Variants in CUL3 observed in about 807,000 individuals in gnomAD.
The protein encoded by CUL3 is cullin 3, also known as cullin-3.
In CUL3, 19 loss-of-function variants were observed where a neutral mutation model predicts 89.1. The observed-to-expected ratio is 0.21, with a 90% CI of 0.15 to 0.31. The LOEUF (loss-of-function observed/expected upper bound fraction) is 0.31, where lower values mean the gene tolerates loss of function less well. Among genes scored for constraint, CUL3 ranks in the 10% least tolerant of loss-of-function variants. The probability of loss-of-function intolerance (pLI) is 1.00; values close to 1 mark genes in which losing one functional copy is unlikely to be tolerated. For missense variants in CUL3, 469 were observed against 942.3 expected (o/e 0.50, Z 6.58); for synonymous variants, 351 against 308.4 (o/e 1.14, Z -1.45).
At chr2:224,541,218 T>C (rs62187018) in intron 2 of CUL3, among the ~76,000 whole-genome samples, 1 of 140,458 alleles carries the variant, frequency 7.1e-6, no homozygotes, top group Non-Finnish European at 1.5e-5. Context: ...CCAGAACATA[T>C]TAAAAAAAAA....
At chr2:224,535,390 A>T in intron 3 of CUL3, 138 bp downstream of exon 3, 1 of 518,036 alleles carries the variant, frequency 1.9e-6, no homozygotes, top group Non-Finnish European at 3.4e-6. Context: ...GGCTGGTCTC[A>T]ATGTCCTGAC....
intron 5 of CUL3, among the ~76,000 whole-genome samples, chr2:224,513,123 T>C (rs1051435025): frequency 3.3e-5 from 5 of 152,224 alleles, no homozygotes; most frequent in African/African-American, 7.2e-5. Context: ...GAGTACAATA[T>C]GCAATACATA....
At chr2:224,566,568 TTTC>T (rs1695045046) in intron 1 of CUL3, among the ~76,000 whole-genome samples, 1 of 152,202 alleles carries the variant, frequency 6.6e-6, no homozygotes, top group African/African-American at 2.4e-5. Context: ...CTCCAATGAT[TTTC>T]TTGATGGTGT....
chr2:224,508,109 ATT>A (rs34859247), intron 6 of CUL3, among the ~76,000 whole-genome samples: 2,567 of 146,552 alleles, frequency 0.018, 27 homozygotes, highest in Middle Eastern at 0.046. Context: ...AATACTCTTG[ATT>A]TTTTTTTTTT....
chr2:224,510,023 T>C (rs1045536039), intron 6 of CUL3, among the ~76,000 whole-genome samples: 5 of 152,190 alleles, frequency 3.3e-5, no homozygotes, highest in African/African-American at 1.2e-4. Context: ...ATAAAAATTA[T>C]ATGAAATTCA....
At position 224,585,123 on chromosome 2, in the gene CUL3, C is replaced by T; in HGVS notation, c.-114G>A. On this transcript the variant is annotated 5_prime_UTR_variant, in exon 1 of 16. Coordinates refer to ENST00000264414, the MANE Select transcript of CUL3 (RefSeq NM_003590.5). ...CGCTGGGGGCGGCGGCGGCGCGACC[C>T]CCGGGCAGGGCTGGGGAGCTGGCCG... 1.3e-6 allele frequency: 1 copy of T among 779,754 alleles called. No homozygotes were observed. Among genetic ancestry groups the T allele is most frequent in the Non-Finnish European group, 1.7e-6 (1 of 573,948 alleles). 48.3% of individuals were successfully genotyped at this position (779,754 alleles called of 1,614,324 possible). A position where few individuals can be genotyped will look rare whatever the true frequency, so the allele number is the denominator to read the frequency against.
At chr2:224,487,376 T>C (rs1691765543) in intron 13 of CUL3, among the ~76,000 whole-genome samples, 2 of 144,206 alleles carry the variant, frequency 1.4e-5, no homozygotes. Flanking sequence ...AGACCCATCT[T>C]ACATGCAAAG....
At chr2:224,580,690 G>GAA (rs1026968658) in intron 1 of CUL3, among the ~76,000 whole-genome samples, 1 of 145,010 alleles carries the variant, frequency 6.9e-6, no homozygotes, top group South Asian at 2.2e-4. Flanking sequence ...TCTCAAAAAA[G>GAA]AAAAAAAAAA....
chr2:224,532,816 A>G (rs1693743651), intron 3 of CUL3, among the ~76,000 whole-genome samples: 1 of 152,184 alleles, frequency 6.6e-6, no homozygotes, highest in Non-Finnish European at 1.5e-5. Context: ...CTTAAGGTTC[A>G]TGACAAGGTA....
chr2:224,516,322 T>C (rs1693046489), intron 3 of CUL3, among the ~76,000 whole-genome samples: 1 of 150,270 alleles, frequency 6.7e-6, no homozygotes, highest in South Asian at 2.1e-4. Flanking sequence ...TGTTTGCTTT[T>C]TTTTTTTTTT....
intron 3 of CUL3, among the ~76,000 whole-genome samples, chr2:224,531,994 G>A (rs1412817306): frequency 6.6e-6 from 1 of 152,192 alleles, no homozygotes; most frequent in Admixed American, 6.5e-5. Flanking sequence ...GGAGAGTCTA[G>A]CAACAGATGA....
Position 224,474,282 on chromosome 2 carries a change from G to C in CUL3, c.2270C>G (p.Thr757Arg), listed in dbSNP as rs934188879. 3.7e-6 allele frequency: 6 copies of C among 1,613,850 alleles called. No homozygotes were observed. The highest frequency in any genetic ancestry group is 1.7e-5 in the Admixed American group (1 of 60,012). ...TGTGTATACTTTGCGATCCTCAGGT[G>C]TTCGTGCCAAATATTCTCTCTCAAT... ...GLIEREYLARTPEDRKVYTYV... is the reference protein window; with the variant it reads ...GLIEREYLARRPEDRKVYTYV... Residue 757 changes from threonine to arginine, a missense_variant, in exon 16 of 16, where the codon ACA becomes AGA. By Grantham distance (71) the Thr-to-Arg change is moderately conservative. This residue lies in a region of CUL3 where 65 missense variants were observed against 147.8 expected (regional missense o/e 0.44). Coordinates refer to ENST00000264414, the MANE Select transcript of CUL3 (RefSeq NM_003590.5).
intron 2 of CUL3, among the ~76,000 whole-genome samples, chr2:224,556,908 C>T (rs541047340): frequency 2.6e-5 from 4 of 151,976 alleles, no homozygotes; most frequent in Admixed American, 1.3e-4. Flanking sequence ...GAAGGGTACA[C>T]AAGAGTTCAC....
intron 2 of CUL3, among the ~76,000 whole-genome samples, chr2:224,539,074 C>A (rs1215001468): frequency 3.3e-5 from 5 of 151,996 alleles, no homozygotes; most frequent in African/African-American, 9.7e-5. Flanking sequence ...TTGCAAAAGA[C>A]AAAGCTAATA....
In CUL3 at chr2:224,485,759, C is replaced by A. The variant is rs1057154959; in HGVS notation, c.1843-3681G>T. Among the ~76,000 whole-genome samples, 1 of 152,182 alleles carries A rather than the reference C, an allele frequency of 6.6e-6. No individual in the cohort carries two copies. The highest frequency in any genetic ancestry group is 6.5e-5 in the Admixed American group (1 of 15,286). ...CCCACAGCGCAGCACTCCAGCTCTG[C>A]GAAGGGACAGACTGCCTCCTCAAGT... On this transcript the variant is annotated intron_variant, in intron 13 of 15. Transcript: ENST00000264414. The surrounding 1 kb of genome is among the most constrained non-coding windows in gnomAD (Gnocchi z 4.1).
At chr2:224,534,264 TC>T (rs1693800029) in intron 3 of CUL3, among the ~76,000 whole-genome samples, 1 of 152,192 alleles carries the variant, frequency 6.6e-6, no homozygotes, top group Non-Finnish European at 1.5e-5. Flanking sequence ...TTCCAAATGA[TC>T]TTGCTGAACA....
chr2:224,484,172 A>AT (rs879775065), intron 13 of CUL3, among the ~76,000 whole-genome samples: 25 of 147,734 alleles, frequency 1.7e-4, no homozygotes, highest in Admixed American at 2.7e-4. Context: ...CTGTCTCAAA[A>AT]TTTTTTTTTT....
rs542683891 is a variant in CUL3 at position 224,486,306 on chromosome 2, C to T, written c.1843-4228G>A. 2.6e-5 allele frequency among the ~76,000 whole-genome samples: 4 copies of T among 152,242 alleles called. No individual in the cohort carries two copies. The South Asian group carries it at 8.3e-4, about 32-fold the overall frequency. On this transcript the variant is annotated intron_variant, in intron 13 of 15. Transcript: ENST00000264414. ...GTAGGCTTCAGAAGGTGGGGAACAA[C>T]AAACTCCTCTGAGCTAAAGGAGCAT...
Position 224,585,363 on chromosome 2 carries a change from C to T in CUL3, c.-354G>A. On this transcript the variant is annotated 5_prime_UTR_variant, in exon 1 of 16. Transcript: ENST00000264414. ...CACTGCGCAGGCCGAACGTCGTCCT[C>T]CTCCTCCTCCTTCTCCTCCTCCGCC... 2 of 400,532 alleles carry T rather than the reference C, an allele frequency of 5.0e-6. No homozygotes were observed. Among genetic ancestry groups the T allele is most frequent in the Non-Finnish European group, 8.8e-6 (2 of 227,816 alleles). 24.8% of individuals were successfully genotyped at this position (400,532 alleles called of 1,614,324 possible). A position where few individuals can be genotyped will look rare whatever the true frequency, so the allele number is the denominator to read the frequency against.
Sources: allele counts gnomAD v4.1 joint callset (sites outside exome capture counted in the v4.1 genomes callset), GRCh38; gene constraint gnomAD v4.1.1; regional missense constraint gnomAD v4.1.1; non-coding constraint Gnocchi (gnomAD v3.1); transcripts MANE v1.5; gene names NCBI Gene and HGNC (gene_info 2026-07-23, HGNC 2026-07-21).